Variants in KIF3A observed in about 807,000 individuals in gnomAD.
KIF3A encodes the protein kinesin-like protein KIF3A.
Under a neutral mutation model 92.6 loss-of-function variants are expected in KIF3A, and 27 were observed. The observed-to-expected ratio is 0.29, with a 90% CI of 0.21 to 0.40. The LOEUF is 0.40. Ranked by LOEUF, KIF3A falls within the 10% of genes least tolerant of loss-of-function variation. KIF3A has a pLI of 1.00. For synonymous variants in KIF3A, 250 were observed against 275.4 expected (o/e 0.91, Z 0.92); for missense variants, 581 against 872.6 (o/e 0.67, Z 4.21).
chr5:132,723,112 A>G (rs1274809005), intron 4 of KIF3A: 1 of 152,224 alleles, frequency 6.6e-6, no homozygotes, highest in Non-Finnish European at 1.5e-5. Flanking sequence ...GGACCTCTTC[A>G]AGGAGAACTA....
At chr5:132,730,244 A>G (rs1243541474) in intron 2 of KIF3A, among the ~76,000 whole-genome samples, 1 of 152,076 alleles carries the variant, frequency 6.6e-6, no homozygotes, top group Non-Finnish European at 1.5e-5. Context: ...AGGCAGGCGG[A>G]TCACCTGAGG....
intron 2 of KIF3A, among the ~76,000 whole-genome samples, chr5:132,731,487 GA>G (rs1754229068): frequency 6.6e-6 from 1 of 152,022 alleles, no homozygotes; most frequent in Non-Finnish European, 1.5e-5. Context: ...GAATAGAAGG[GA>G]ACTTCCTCAA....
rs200623461 is a variant in KIF3A at position 132,716,874 on chromosome 5, T to A, written c.727A>T (p.Met243Leu). 1 of 1,614,052 alleles carries A rather than the reference T, an allele frequency of 6.2e-7. No homozygotes were observed. Among genetic ancestry groups the A allele is most frequent in the Admixed American group, 1.7e-5 (1 of 60,006 alleles). Residue 243 changes from methionine to leucine, a missense_variant, in exon 6 of 19, where the codon ATG becomes TTG. Physicochemically the swap from Met to Leu is conservative, Grantham distance 15. Transcript: ENST00000403231. ...KGIDGNMHVR[M>L]GKLHLVDLAG... Reference sequence around the variant, plus strand: ...AGATCTACAAGATGGAGCTTCCCCATCCTGACATGCATGTTACCATCAATG... The same window carrying A: ...AGATCTACAAGATGGAGCTTCCCCAACCTGACATGCATGTTACCATCAATG...
At chr5:132,704,636 A>G (rs1753149112) in intron 11 of KIF3A, among the ~76,000 whole-genome samples, 1 of 151,944 alleles carries the variant, frequency 6.6e-6, no homozygotes, top group Non-Finnish European at 1.5e-5. Flanking sequence ...GTTTCTTAGA[A>G]ACATACATTC....
At chr5:132,736,969 G>GC (rs1754410045) in intron 1 of KIF3A, 1 of 305,812 alleles carries the variant, frequency 3.3e-6, no homozygotes, top group Non-Finnish European at 6.3e-6. Context: ...TAGGAGACTC[G>GC]GAGTATGGGG....
intron 10 of KIF3A, among the ~76,000 whole-genome samples, chr5:132,707,530 C>A (rs1022607303): frequency 6.6e-6 from 1 of 152,154 alleles, no homozygotes; most frequent in Non-Finnish European, 1.5e-5. Flanking sequence ...GCAACGCCTC[C>A]CACTCAAATA....
At chr5:132,724,385 A>G in intron 4 of KIF3A, among the ~76,000 whole-genome samples, 1 of 152,204 alleles carries the variant, frequency 6.6e-6, no homozygotes, top group Non-Finnish European at 1.5e-5. Context: ...AAAGACTTGG[A>G]ACCAACCCAA....
chr5:132,734,085 G>C, intron 2 of KIF3A, 120 bp downstream of exon 2: 1 of 810,576 alleles, frequency 1.2e-6, no homozygotes, highest in Non-Finnish European at 1.9e-6. Flanking sequence ...TTGTGATGAT[G>C]GTTTCACAAC....
chr5:132,702,471 T>G, intron 14 of KIF3A, 87 bp downstream of exon 14: 1 of 787,718 alleles, frequency 1.3e-6, no homozygotes, highest in South Asian at 1.9e-5. Context: ...TAAGCTCACA[T>G]TATGATTATT....
chr5:132,724,799 A>G (rs1029750078), intron 4 of KIF3A, among the ~76,000 whole-genome samples: 1 of 35,850 alleles, frequency 2.8e-5, no homozygotes, highest in Admixed American at 3.4e-4. Flanking sequence ...TAATAAAAAA[A>G]AAAAAAAATA....
Position 132,703,446 on chromosome 5 carries a change from A to T in KIF3A, c.1466+17T>A, listed in dbSNP as rs1377345975. 1.3e-6 allele frequency: 2 copies of T among 1,571,374 alleles called. No individual in the cohort carries two copies. The highest frequency in any genetic ancestry group is 1.7e-6 in the Non-Finnish European group (2 of 1,153,510). On this transcript the variant is annotated intron_variant, in intron 12 of 18. Coordinates refer to ENST00000403231, the MANE Select transcript of KIF3A (RefSeq NM_001300791.2). ...GAAATTTAAATCATGAATTCATCTC[A>T]ATTCAATAATACTCACTGGGCTTTA...
chr5:132,707,721 A>G (rs920874357), intron 10 of KIF3A, among the ~76,000 whole-genome samples: 8 of 152,242 alleles, frequency 5.3e-5, no homozygotes, highest in East Asian at 1.9e-4. Flanking sequence ...AGCTAAAAGC[A>G]TAAGAACAAT....
Position 132,703,662 on chromosome 5 carries a change from A to G in KIF3A, c.1310-43T>C, listed in dbSNP as rs759143578. 30 of 1,468,178 alleles carry G rather than the reference A, an allele frequency of 2.0e-5. 1 individual carries two copies. The highest frequency in any genetic ancestry group is 1.4e-4 in the East Asian group (6 of 43,578). 90.9% of individuals were successfully genotyped at this position (1,468,178 alleles called of 1,614,324 possible). A position where few individuals can be genotyped will look rare whatever the true frequency, so the allele number is the denominator to read the frequency against. On this transcript the variant is annotated intron_variant, in intron 11 of 18. Transcript: ENST00000403231. ...TTGCAACAATCACTAAAATGAATCA[A>G]TGTTTCAGACTTATATAAATTACCT...
chr5:132,718,876 A>G (rs1581086848), intron 5 of KIF3A, among the ~76,000 whole-genome samples: 1 of 151,020 alleles, frequency 6.6e-6, no homozygotes, highest in Non-Finnish European at 1.5e-5. Flanking sequence ...AAATCTGCCC[A>G]CCTTGGCCTC....
intron 8 of KIF3A, 56 bp from the exon 9 acceptor site, chr5:132,711,113 T>G: frequency 6.6e-7 from 1 of 1,506,406 alleles, no homozygotes; most frequent in Non-Finnish European, 9.2e-7. Flanking sequence ...ATTAGCTATT[T>G]AGGAAATACC....
chr5:132,689,016 C>G (rs11242122), downstream of KIF3A, among the ~76,000 whole-genome samples: 91,045 of 152,024 alleles, frequency 0.6, 29,499 homozygotes, highest in Non-Finnish European at 0.75. Context: ...ACAATCTGAT[C>G]TTCTGATAAC....
At chr5:132,729,534 A>C (rs1489065819) in intron 2 of KIF3A, among the ~76,000 whole-genome samples, 1 of 152,206 alleles carries the variant, frequency 6.6e-6, no homozygotes, top group African/African-American at 2.4e-5. Flanking sequence ...AAATTTAAAA[A>C]CATTCAAGCC....
intron 2 of KIF3A, among the ~76,000 whole-genome samples, chr5:132,730,850 A>G (rs761481752): frequency 3.3e-5 from 5 of 152,124 alleles, no homozygotes; most frequent in Non-Finnish European, 7.4e-5. Context: ...ACACACCTGT[A>G]GCCTCAGCTA....
intron 5 of KIF3A, among the ~76,000 whole-genome samples, chr5:132,718,306 G>C (rs1348489726): frequency 6.6e-6 from 1 of 152,068 alleles, no homozygotes; most frequent in African/African-American, 2.4e-5. Context: ...TTACCTGACT[G>C]GGTTTTTTTG....
Sources: allele counts gnomAD v4.1 joint callset (sites outside exome capture counted in the v4.1 genomes callset), GRCh38; gene constraint gnomAD v4.1.1; transcripts MANE v1.5; gene names NCBI Gene and HGNC (gene_info 2026-07-23, HGNC 2026-07-21).